Variants in TRPC5 observed in about 807,000 individuals in gnomAD.
TRPC5 encodes the protein transient receptor potential cation channel subfamily C member 5, also known as short transient receptor potential channel 5.
Under a neutral mutation model 56.5 loss-of-function variants are expected in TRPC5, and 9 were observed. The ratio of observed to expected loss-of-function variants is 0.16; its 90% confidence interval spans 0.10 to 0.28. The LOEUF (loss-of-function observed/expected upper bound fraction) is 0.28, where lower values mean the gene tolerates loss of function less well. Among genes scored for constraint, TRPC5 ranks in the 10% least tolerant of loss-of-function variants. The pLI is 1.00. For synonymous variants in TRPC5, 282 were observed against 278.5 expected (o/e 1.01, Z -0.13); for missense variants, 469 against 748.9 (o/e 0.63, Z 4.36).
intron 1 of TRPC5, among the ~76,000 whole-genome samples, chrX:112,080,439 C>CACACACAG (rs1170572218): frequency 9.4e-6 from 1 of 106,022 alleles, no homozygotes; most frequent in Non-Finnish European, 1.9e-5. Context: ...CACACACACA[C>CACACACAG]AGATTTTCTC....
intron 3 of TRPC5, among the ~76,000 whole-genome samples, chrX:111,888,638 G>T (rs192431946): frequency 1.2e-3 from 113 of 95,116 alleles, no homozygotes; most frequent in African/African-American, 4.2e-3. Context: ...AGGTTGTGGT[G>T]AGCTGAGATC....
intron 7 of TRPC5, among the ~76,000 whole-genome samples, chrX:111,786,931 C>T: frequency 9.0e-6 from 1 of 111,285 alleles, no homozygotes; most frequent in East Asian, 2.8e-4. Flanking sequence ...CCTTAGAGAC[C>T]TACAAAGAGG....
At position 111,854,017 on chromosome X, in the gene TRPC5, C is replaced by T; in HGVS notation, c.990G>A (p.Lys330=). ...ACCCAATGGTCATGCAGGTTAGAAG[C>T]TTGACTACCCAGTGTTTCCGCCGCC... ...PGWRRKHWVV[K]LLTCMTIGFL... The change falls in exon 4 of 11, where the codon AAG becomes AAA. Residue 330 remains lysine (K), a synonymous_variant. Transcript: ENST00000262839. The T allele has an allele frequency of 2.5e-6, 3 of 1,211,815 alleles. No homozygotes were observed. The East Asian group carries it at 8.9e-5, about 36-fold the overall frequency.
At chrX:111,850,747 T>G (rs776066246) in intron 5 of TRPC5, among the ~76,000 whole-genome samples, 2 of 112,231 alleles carry the variant, frequency 1.8e-5, no homozygotes, top group East Asian at 5.6e-4. Context: ...TATCTAACTC[T>G]TTGGAAGCCT....
intron 1 of TRPC5, among the ~76,000 whole-genome samples, chrX:111,981,035 G>A (rs751392897): frequency 7.4e-5 from 8 of 108,060 alleles, no homozygotes; most frequent in South Asian, 4.0e-4. Flanking sequence ...GTATATATCC[G>A]TATATGTATA....
At chrX:112,019,655 T>A (rs1010906790) in intron 1 of TRPC5, among the ~76,000 whole-genome samples, 1 of 111,717 alleles carries the variant, frequency 9.0e-6, no homozygotes, top group African/African-American at 3.3e-5. Context: ...CAGGACGGTC[T>A]CCATCTCCTG....
At chrX:111,796,605 G>A (rs1207114443) in intron 7 of TRPC5, among the ~76,000 whole-genome samples, 2 of 111,966 alleles carry the variant, frequency 1.8e-5, no homozygotes, top group Non-Finnish European at 3.8e-5. Flanking sequence ...ATTGCACAGT[G>A]ATTTTATCAA....
chrX:111,853,176 G>A (rs1923132312), intron 4 of TRPC5, among the ~76,000 whole-genome samples: 1 of 111,476 alleles, frequency 9.0e-6, no homozygotes, highest in Admixed American at 9.5e-5. Flanking sequence ...GATATTGCTG[G>A]TTTGGGGACC....
intron 3 of TRPC5, among the ~76,000 whole-genome samples, chrX:111,866,305 G>A (rs941852499): frequency 6.4e-4 from 73 of 113,631 alleles, no homozygotes; most frequent in Non-Finnish European, 1.3e-3. Flanking sequence ...TACCTTAACA[G>A]CTTAAAGTGG....
chrX:112,031,942 A>G (rs186437104), intron 1 of TRPC5, among the ~76,000 whole-genome samples: 2 of 110,077 alleles, frequency 1.8e-5, no homozygotes, highest in African/African-American at 6.6e-5. Context: ...AAAACAATAA[A>G]CAGAGCAAAG....
At chrX:111,791,354 T>C (rs1946019738) in intron 7 of TRPC5, among the ~76,000 whole-genome samples, 1 of 111,576 alleles carries the variant, frequency 9.0e-6, no homozygotes, top group African/African-American at 3.3e-5. Flanking sequence ...AAGGAGGCTA[T>C]CCATGGGCCC....
At chrX:111,871,448 GC>G (rs1488175504) in intron 3 of TRPC5, among the ~76,000 whole-genome samples, 1 of 110,862 alleles carries the variant, frequency 9.0e-6, no homozygotes, top group East Asian at 2.8e-4. Flanking sequence ...TCACATTCCA[GC>G]CCCACCACTC....
At chrX:111,936,012 T>C (rs143946177) in intron 2 of TRPC5, among the ~76,000 whole-genome samples, 7,760 of 111,891 alleles carry the variant, frequency 0.069, 207 homozygotes, top group African/African-American at 0.081. Flanking sequence ...AGAATGCCAT[T>C]GGTATTTGCA....
intron 1 of TRPC5, among the ~76,000 whole-genome samples, chrX:111,969,547 G>A (rs1194198418): frequency 1.8e-5 from 2 of 112,165 alleles, no homozygotes; most frequent in African/African-American, 6.5e-5. Context: ...AAATTGTAAA[G>A]ATCAGTGTTA....
rs144487154 is a variant in TRPC5 at position 112,011,326 on chromosome X, A to G, written c.-21-58885T>C. ...TAATCTGGCGTGTGTGAAACCTAGC[A>G]GCCATCCAAGAAAGCGCAAGTAAGT... On this transcript the variant is annotated intron_variant, in intron 1 of 10. Transcript: ENST00000262839. 3.6e-5 allele frequency among the ~76,000 whole-genome samples: 4 copies of G among 111,858 alleles called. No individual in the cohort carries two copies. The East Asian group carries it at 1.1e-3, about 31-fold the overall frequency.
At chrX:111,858,704 C>T (rs191886000) in intron 3 of TRPC5, among the ~76,000 whole-genome samples, 24 of 110,832 alleles carry the variant, frequency 2.2e-4, no homozygotes, top group African/African-American at 7.9e-4. Flanking sequence ...AAGGAATGTG[C>T]TTATTAAGGG....
At chrX:111,783,990 G>A (rs1477295014) in intron 7 of TRPC5, among the ~76,000 whole-genome samples, 3 of 111,526 alleles carry the variant, frequency 2.7e-5, no homozygotes, top group Admixed American at 1.9e-4. Flanking sequence ...GAAAATATGA[G>A]TGAACAATTG....
rs749466058 is a variant in TRPC5, at chrX:112,018,387, G to C, written c.-22+63492C>G. Among the ~76,000 whole-genome samples, 3 of 112,632 alleles carry C rather than the reference G, an allele frequency of 2.7e-5. No individual in the cohort carries two copies. The East Asian group carries it at 8.3e-4, about 31-fold the overall frequency. On this transcript the variant is annotated intron_variant, in intron 1 of 10. Coordinates refer to ENST00000262839, the MANE Select transcript of TRPC5 (RefSeq NM_012471.3). The stretch of plus-strand genomic sequence containing the variant: ...TTTGGATTTATTTTTCCATTCCTCT[G>C]GGTGACTGAGTATTTAACTCATATT...
rs866669316 is a variant in TRPC5 at position 111,839,332 on chromosome X, G to T, written c.1701-4216C>A. On this transcript the variant is annotated intron_variant, in intron 6 of 10. Coordinates refer to ENST00000262839, the MANE Select transcript of TRPC5 (RefSeq NM_012471.3). ...TTTGCTCCCATAGCACCCAAGCCTT[G>T]TTCCATAAATGCACAAATCACACTG... 1.5e-3 allele frequency among the ~76,000 whole-genome samples: 170 copies of T among 111,812 alleles called. 1 individual carries two copies. Among genetic ancestry groups the T allele is most frequent in the African/African-American group, 5.3e-3 (162 of 30,764 alleles).
Sources: gnomAD v4.1 joint callset for allele counts (sites outside exome capture counted in the v4.1 genomes callset) on GRCh38, gnomAD v4.1.1 for gene constraint, MANE v1.5 for transcripts, NCBI Gene and HGNC (gene_info 2026-07-23, HGNC 2026-07-21) for gene names.